Variants in GIPC2 observed in about 807,000 individuals in gnomAD.
GIPC2 encodes PDZ domain-containing protein GIPC2.
GIPC2 carries 30 observed loss-of-function variants against 30.6 expected under a neutral mutation model. The observed-to-expected ratio is 0.98, with a 90% CI of 0.73 to 1.33. The LOEUF is 1.33. GIPC2 is among the 40% of genes most tolerant of loss of function. The pLI is 0.00. For synonymous variants in GIPC2, 167 were observed against 150.0 expected (o/e 1.11, Z -0.83); for missense variants, 414 against 390.3 (o/e 1.06, Z -0.51).
intron 3 of GIPC2, among the ~76,000 whole-genome samples, chr1:78,106,560 A>AAAAACAAAAC (rs372627588): frequency 1.3e-5 from 2 of 152,218 alleles, no homozygotes; most frequent in Non-Finnish European, 2.9e-5. Context: ...ACTCCATCTC[A>AAAAACAAAAC]AAAACAAAAC....
chr1:78,125,675 C>T (rs890683474), intron 4 of GIPC2, among the ~76,000 whole-genome samples: 3 of 151,914 alleles, frequency 2.0e-5, no homozygotes, highest in African/African-American at 7.3e-5. Context: ...TTTTTGAATC[C>T]GTAACACTTA....
At chr1:78,049,911 T>C (rs1416747701) in intron 1 of GIPC2, among the ~76,000 whole-genome samples, 1 of 149,270 alleles carries the variant, frequency 6.7e-6, no homozygotes, top group Non-Finnish European at 1.5e-5. Context: ...TTTTTTTTTT[T>C]TTTGAGATGG....
chr1:78,135,203 G>C (rs997590298), intron 5 of GIPC2, among the ~76,000 whole-genome samples: 1 of 152,088 alleles, frequency 6.6e-6, no homozygotes, highest in Non-Finnish European at 1.5e-5. Flanking sequence ...GGGAGGGAGA[G>C]TAGTGACTAT....
intron 1 of GIPC2, among the ~76,000 whole-genome samples, chr1:78,065,198 G>A (rs1426719754): frequency 6.6e-6 from 1 of 152,100 alleles, no homozygotes; most frequent in East Asian, 1.9e-4. Flanking sequence ...TAGTCTTACA[G>A]GACTGTAATT....
In GIPC2 at chr1:78,080,861, G is replaced by T. The variant is rs777241328; in HGVS notation, c.426+1G>T. 1 of 1,557,958 alleles carries T rather than the reference G, an allele frequency of 6.4e-7. No individual in the cohort carries two copies. Among genetic ancestry groups the T allele is most frequent in the Non-Finnish European group, 8.7e-7 (1 of 1,145,498 alleles). ...TGGTGTTGGCTATGCTTTTATAAAG[G>T]TAAGTTTTAAAAAATAACAGTGTAA... On this transcript the variant is annotated splice_donor_variant, in intron 2 of 5. Transcript: ENST00000370759. LOFTEE classifies it high-confidence loss of function.
At chr1:78,053,104 T>G (rs1033237598) in intron 1 of GIPC2, among the ~76,000 whole-genome samples, 2 of 152,166 alleles carry the variant, frequency 1.3e-5, no homozygotes, top group Admixed American at 6.5e-5. Context: ...AATATTACTA[T>G]TGAGGTCTGA....
intron 1 of GIPC2, among the ~76,000 whole-genome samples, chr1:78,062,700 G>C (rs976464895): frequency 1.3e-5 from 2 of 151,154 alleles, no homozygotes; most frequent in African/African-American, 4.9e-5. Flanking sequence ...TTTTGGTAGA[G>C]ATGGGGTTTC....
At chr1:78,060,147 G>T (rs186642518) in intron 1 of GIPC2, among the ~76,000 whole-genome samples, 2 of 151,700 alleles carry the variant, frequency 1.3e-5, no homozygotes, top group African/African-American at 4.8e-5. Flanking sequence ...TAATCAATTC[G>T]TAAGATCTAT....
intron 4 of GIPC2, among the ~76,000 whole-genome samples, chr1:78,124,359 G>C (rs891735691): frequency 1.3e-5 from 2 of 151,578 alleles, no homozygotes; most frequent in African/African-American, 4.9e-5. Flanking sequence ...TTCCTTTTTT[G>C]GTGTATTTTT....
intron 5 of GIPC2, among the ~76,000 whole-genome samples, chr1:78,134,227 A>C (rs1361552862): frequency 6.6e-6 from 1 of 151,998 alleles, no homozygotes; most frequent in Non-Finnish European, 1.5e-5. Context: ...GATATCTACA[A>C]TTCTAATTCC....
intron 1 of GIPC2, among the ~76,000 whole-genome samples, chr1:78,060,703 A>G (rs553769317): frequency 2.0e-5 from 3 of 152,352 alleles, no homozygotes; most frequent in East Asian, 3.9e-4. Flanking sequence ...AAAGTAAGGT[A>G]TATAAATTGA....
chr1:78,053,487 T>C (rs1324448089), intron 1 of GIPC2, among the ~76,000 whole-genome samples: 2 of 152,062 alleles, frequency 1.3e-5, no homozygotes, highest in African/African-American at 4.8e-5. Flanking sequence ...AGCAATAAAC[T>C]GCAGGTGAGA....
At chr1:78,096,330 T>C (rs1206699413) in intron 3 of GIPC2, among the ~76,000 whole-genome samples, 1 of 152,202 alleles carries the variant, frequency 6.6e-6, no homozygotes, top group Non-Finnish European at 1.5e-5. Context: ...CCAGATAGCA[T>C]GGTGAAATAA....
At chr1:78,079,821 A>G (rs1571492817) in intron 1 of GIPC2, among the ~76,000 whole-genome samples, 1 of 152,200 alleles carries the variant, frequency 6.6e-6, no homozygotes, top group East Asian at 1.9e-4. Context: ...ATTTTAGTCA[A>G]GTGAGTCATA....
intron 1 of GIPC2, among the ~76,000 whole-genome samples, chr1:78,062,242 T>C (rs1219442464): frequency 6.6e-6 from 1 of 152,224 alleles, no homozygotes; most frequent in African/African-American, 2.4e-5. Flanking sequence ...ATAATTGGCG[T>C]TAACACTATG....
intron 2 of GIPC2, chr1:78,091,488 C>G: frequency 1.5e-6 from 1 of 683,456 alleles, no homozygotes; most frequent in Middle Eastern, 3.8e-4. Context: ...TTTTCACCTC[C>G]CGCTGCGCTA....
chr1:78,119,243 C>T, intron 3 of GIPC2, 150 bp from the exon 4 acceptor site: 1 of 529,068 alleles, frequency 1.9e-6, no homozygotes, highest in South Asian at 3.0e-5. Flanking sequence ...ATTTATTTTG[C>T]TTCGGGAAAT....
At chr1:78,072,864 G>A (rs1341920205) in intron 1 of GIPC2, among the ~76,000 whole-genome samples, 2 of 152,066 alleles carry the variant, frequency 1.3e-5, no homozygotes, top group Non-Finnish European at 2.9e-5. Context: ...GAATGCAGTG[G>A]CATGATCTTG....
intron 1 of GIPC2, among the ~76,000 whole-genome samples, chr1:78,071,588 G>A (rs933456919): frequency 1.7e-5 from 2 of 115,326 alleles, no homozygotes; most frequent in Non-Finnish European, 3.7e-5. Flanking sequence ...TTCTTCTTTT[G>A]TTTCTTCTTC....
Sources: gnomAD v4.1 joint callset for allele counts (sites outside exome capture counted in the v4.1 genomes callset) on GRCh38, gnomAD v4.1.1 for gene constraint, MANE v1.5 for transcripts, NCBI Gene and HGNC (gene_info 2026-07-23, HGNC 2026-07-21) for gene names.